Variants in CDC5L observed in about 807,000 individuals in gnomAD.
The protein encoded by CDC5L is cell division cycle 5 like, also known as cell division cycle 5-like protein.
Under a neutral mutation model 104.1 loss-of-function variants are expected in CDC5L, and 18 were observed. The observed-to-expected ratio is 0.17, with a 90% CI of 0.12 to 0.26. The LOEUF is 0.26. Ranked by LOEUF, CDC5L falls within the 10% of genes least tolerant of loss-of-function variation. The pLI is 1.00. For synonymous variants in CDC5L, 331 were observed against 322.7 expected, an observed-to-expected ratio of 1.03 and a Z score of -0.28; for missense variants, 673 against 956.9, an observed-to-expected ratio of 0.70 and a Z score of 3.91.
intron 2 of CDC5L, among the ~76,000 whole-genome samples, chr6:44,390,772 T>A (rs1561966073): frequency 6.6e-6 from 1 of 152,038 alleles, no homozygotes; most frequent in East Asian, 1.9e-4. Context: ...AGAAATTACT[T>A]GCTCAAAGAA....
intron 6 of CDC5L, among the ~76,000 whole-genome samples, chr6:44,405,435 A>G (rs1228845321): frequency 6.6e-6 from 1 of 152,214 alleles, no homozygotes; most frequent in Non-Finnish European, 1.5e-5. Flanking sequence ...AGAAAGACAC[A>G]CAGAAGGGGA....
chr6:44,417,355 G>A (rs796638459), intron 8 of CDC5L, among the ~76,000 whole-genome samples: 4 of 152,270 alleles, frequency 2.6e-5, no homozygotes, highest in African/African-American at 7.2e-5. Flanking sequence ...AACTTCTCAC[G>A]TGGTATCTCA....
chr6:44,399,125 A>AT (rs1395661842), intron 5 of CDC5L, among the ~76,000 whole-genome samples: 7 of 152,024 alleles, frequency 4.6e-5, no homozygotes, highest in South Asian at 2.1e-4. Flanking sequence ...CCTAATTAAA[A>AT]TTTTTTTTGT....
intron 9 of CDC5L, among the ~76,000 whole-genome samples, chr6:44,421,579 C>T (rs375479740): frequency 6.6e-6 from 1 of 152,112 alleles, no homozygotes; most frequent in Admixed American, 6.5e-5. Context: ...TATGTTTAGT[C>T]GGCTCTCTGT....
At position 44,446,608 on chromosome 6, in the gene CDC5L, G is replaced by T; in HGVS notation, c.2306G>T (p.Cys769Phe). 6.6e-7 allele frequency: 1 copy of T among 1,510,716 alleles called. No individual in the cohort carries two copies. 93.6% of individuals were successfully genotyped at this position (1,510,716 alleles called of 1,614,324 possible). The change falls in exon 16 of 16, where the codon TGT (cysteine) becomes TTT (phenylalanine). Residue 769 changes from cysteine (C) to phenylalanine (F), a missense_variant and splice_region_variant. Coordinates refer to ENST00000371477, the MANE Select transcript of CDC5L (RefSeq NM_001253.4). ...EDSAIPRRLECLKEDVQRQQE... is the reference protein window; with the variant it reads ...EDSAIPRRLEFLKEDVQRQQE... ...ATTACTTAATTTTTTTTCTTTAAGT[G>T]TCTAAAAGAAGACGTTCAGCGACAA...
chr6:44,409,225 C>T (rs1392048807), intron 8 of CDC5L, among the ~76,000 whole-genome samples: 2 of 152,192 alleles, frequency 1.3e-5, no homozygotes, highest in Non-Finnish European at 2.9e-5. Flanking sequence ...GCCCCTCATC[C>T]GTAGAGGTGC....
At chr6:44,430,564 G>A (rs890907541) in intron 14 of CDC5L, among the ~76,000 whole-genome samples, 1 of 150,368 alleles carries the variant, frequency 6.7e-6, no homozygotes, top group African/African-American at 2.5e-5. Flanking sequence ...CCACCAGGCT[G>A]CCTTGTGCAT....
chr6:44,392,520 AGTGT>A, intron 2 of CDC5L, 143 bp from the exon 3 acceptor site: 1 of 626,628 alleles, frequency 1.6e-6, no homozygotes, highest in South Asian at 2.2e-5. Flanking sequence ...GACTGGGGTA[AGTGT>A]AACCACACAG....
chr6:44,397,329 T>C (rs1192166952), intron 5 of CDC5L, among the ~76,000 whole-genome samples: 1 of 152,258 alleles, frequency 6.6e-6, no homozygotes, highest in Non-Finnish European at 1.5e-5. Flanking sequence ...CAATAATTAG[T>C]CTAGGCATCC....
rs7757621 is a variant in CDC5L, at chr6:44,392,418, T to A, written c.150-249T>A. On this transcript the variant is annotated intron_variant, in intron 2 of 15. Transcript: ENST00000371477. ...AAACATGATAGATGAGAAAGAAGGC[T>A]TATGATCATGATTCAGTGAAGTAAC... is the stretch of plus-strand genomic sequence containing the variant. 0.99 allele frequency among the ~76,000 whole-genome samples: 151,216 copies of A among 152,334 alleles called. 75,062 individuals are homozygous for A. The highest frequency in any genetic ancestry group is 1 in the East Asian group (5,192 of 5,192).
In CDC5L at chr6:44,429,766, T is replaced by C; in HGVS notation, c.1947T>C (p.His649=). ...AAGTGGTTAAACAAGGAATGAGCCATGGAGAGCTCTCAAGTGAAGCTTATA... is the reference window on the plus strand; with the variant it reads ...AAGTGGTTAAACAAGGAATGAGCCACGGAGAGCTCTCAAGTGAAGCTTATA... ...EMEVVKQGMS[H]GELSSEAYNQ... Residue 649 remains histidine, a synonymous_variant, in exon 14 of 16, where the codon CAT becomes CAC. Transcript: ENST00000371477. 2 of 1,614,088 alleles carry C rather than the reference T, an allele frequency of 1.2e-6. No homozygotes were observed. Among genetic ancestry groups the C allele is most frequent in the Non-Finnish European group, 1.7e-6 (2 of 1,179,964 alleles).
chr6:44,410,572 T>G (rs1401512844), intron 8 of CDC5L, among the ~76,000 whole-genome samples: 1 of 152,232 alleles, frequency 6.6e-6, no homozygotes, highest in Admixed American at 6.5e-5. Context: ...AATCCCAGAT[T>G]GCAGTGGTTT....
chr6:44,445,940 C>T (rs575039603), intron 15 of CDC5L, 73 bp downstream of exon 15: 1 of 1,148,782 alleles, frequency 8.7e-7, no homozygotes, highest in African/African-American at 1.5e-5. Context: ...TCTTTTACTT[C>T]TCCTATGTAG....
chr6:44,404,409 A>G (rs527595410), intron 6 of CDC5L, among the ~76,000 whole-genome samples: 6 of 152,294 alleles, frequency 3.9e-5, no homozygotes, highest in African/African-American at 1.4e-4. Context: ...TGTTGGGATT[A>G]TAGGCATCAG....
chr6:44,434,433 G>A (rs1418990177), intron 14 of CDC5L, among the ~76,000 whole-genome samples: 7 of 152,136 alleles, frequency 4.6e-5, no homozygotes. Flanking sequence ...TAAAAATGCT[G>A]GTAATTGGTA....
chr6:44,445,570 A>G (rs1793410174), intron 14 of CDC5L, 85 bp from the exon 15 acceptor site: 3 of 871,268 alleles, frequency 3.4e-6, no homozygotes, highest in African/African-American at 1.7e-5. Flanking sequence ...AGACACATAC[A>G]TGAACGCATG....
At chr6:44,426,792 A>G in intron 13 of CDC5L, 68 bp downstream of exon 13, 3 of 1,456,144 alleles carry the variant, frequency 2.1e-6, no homozygotes, top group Non-Finnish European at 9.4e-7. Flanking sequence ...ATCATGGACA[A>G]ATAATGAACT....
chr6:44,442,482 T>G (rs1197557092), intron 14 of CDC5L, among the ~76,000 whole-genome samples: 1 of 152,012 alleles, frequency 6.6e-6, no homozygotes, highest in Non-Finnish European at 1.5e-5. Flanking sequence ...TACAGACTTT[T>G]GCTTTGTGGT....
chr6:44,388,673 TTC>T (rs1491322390), intron 1 of CDC5L, among the ~76,000 whole-genome samples: 90 of 146,132 alleles, frequency 6.2e-4, no homozygotes, highest in African/African-American at 2.1e-3. Flanking sequence ...ATTTTATGGC[TTC>T]TTTTTTTTTT....
Sources: gnomAD v4.1 joint callset for allele counts (sites outside exome capture counted in the v4.1 genomes callset) on GRCh38, gnomAD v4.1.1 for gene constraint, MANE v1.5 for transcripts, NCBI Gene and HGNC (gene_info 2026-07-23, HGNC 2026-07-21) for gene names.